Variants in TFEC observed in about 807,000 individuals in gnomAD.
TFEC encodes the protein class E basic helix-loop-helix protein 34.
TFEC carries 31 observed loss-of-function variants against 41.6 expected under a neutral mutation model. The ratio of observed to expected loss-of-function variants is 0.74; its 90% confidence interval spans 0.56 to 1.01. The LOEUF (loss-of-function observed/expected upper bound fraction) is 1.01. TFEC is among the 50% of genes least tolerant of loss of function. The probability of loss-of-function intolerance (pLI) is 0.00; values close to 1 mark genes in which losing one functional copy is unlikely to be tolerated. For synonymous variants in TFEC, 143 were observed against 140.6 expected (o/e 1.02, Z -0.12); for missense variants, 402 against 404.1 (o/e 0.99, Z 0.04).
At chr7:116,073,585 T>C (rs1049947942) in intron 3 of TFEC, among the ~76,000 whole-genome samples, 63 of 151,834 alleles carry the variant, frequency 4.1e-4, no homozygotes, top group African/African-American at 1.3e-3. Flanking sequence ...TTCAGTGAAC[T>C]CTCCACCAAG....
At chr7:116,099,363 A>G (rs1201631516) in intron 3 of TFEC, among the ~76,000 whole-genome samples, 1 of 152,170 alleles carries the variant, frequency 6.6e-6, no homozygotes, top group Non-Finnish European at 1.5e-5. Context: ...CTGAATAGCA[A>G]TATGTGGTAG....
chr7:116,023,823 C>T (rs1014084292), intron 1 of TFEC, among the ~76,000 whole-genome samples: 2 of 152,098 alleles, frequency 1.3e-5, no homozygotes, highest in Admixed American at 1.3e-4. Context: ...AATTTGGTCT[C>T]CTCAGATTCC....
At chr7:115,970,925 C>T (rs1335118768) in intron 3 of TFEC, among the ~76,000 whole-genome samples, 1 of 151,922 alleles carries the variant, frequency 6.6e-6, no homozygotes, top group Non-Finnish European at 1.5e-5. Context: ...TTAAAAAGTA[C>T]CCAGCCTTAG....
upstream of TFEC, among the ~76,000 whole-genome samples, chr7:116,031,751 TTCTG>T (rs1795789628): frequency 2.0e-5 from 3 of 152,256 alleles, no homozygotes; most frequent in South Asian, 6.2e-4. Context: ...GCACTATATC[TTCTG>T]TAAGAACTTC....
At chr7:116,085,330 G>A (rs1003421014) in intron 3 of TFEC, among the ~76,000 whole-genome samples, 1 of 151,874 alleles carries the variant, frequency 6.6e-6, no homozygotes, top group Non-Finnish European at 1.5e-5. Context: ...TACTGAGAAT[G>A]TGTCAAAGAG....
In TFEC at chr7:115,968,450, G is replaced by A. The variant is rs192013536; in HGVS notation, c.267+5720C>T. On this transcript the variant is annotated intron_variant, in intron 3 of 7. Coordinates refer to ENST00000265440, the MANE Select transcript of TFEC (RefSeq NM_012252.4). Reference sequence around the variant, plus strand: ...GGTTGTTAATATTTACTCATTCCTCGTCTCTGGAATGATCTTGAACTATAA... The same window carrying A: ...GGTTGTTAATATTTACTCATTCCTCATCTCTGGAATGATCTTGAACTATAA... 514 of 571,150 alleles carry A rather than the reference G, an allele frequency of 9.0e-4. 3 individuals carry two copies. The highest frequency in any genetic ancestry group is 3.5e-3 in the Middle Eastern group (7 of 2,008). The allele number at this position is 571,150 out of a possible 1,614,324, so 35.4% of individuals were successfully genotyped here.
chr7:115,981,315 A>AT (rs1793620253), intron 2 of TFEC, among the ~76,000 whole-genome samples: 1 of 152,104 alleles, frequency 6.6e-6, no homozygotes, highest in South Asian at 2.1e-4. Context: ...CACTTCCAGA[A>AT]TTTCCTGAGA....
At chr7:116,134,467 A>T (rs1419519812) in intron 1 of TFEC, among the ~76,000 whole-genome samples, 1 of 152,186 alleles carries the variant, frequency 6.6e-6, no homozygotes, top group Non-Finnish European at 1.5e-5. Flanking sequence ...CTATGCACAG[A>T]AATGACCTGT....
intron 3 of TFEC, among the ~76,000 whole-genome samples, chr7:116,097,180 G>T (rs935920372): frequency 6.6e-6 from 1 of 152,096 alleles, no homozygotes; most frequent in Non-Finnish European, 1.5e-5. Flanking sequence ...TACGCAAAGT[G>T]GTAAAATGTC....
At chr7:115,963,572 G>C (rs1792680947) in intron 3 of TFEC, among the ~76,000 whole-genome samples, 1 of 151,668 alleles carries the variant, frequency 6.6e-6, no homozygotes, top group Admixed American at 6.6e-5. Context: ...ACACATAATG[G>C]AATAGGCTTA....
intron 3 of TFEC, among the ~76,000 whole-genome samples, chr7:116,044,735 A>G (rs1796122142): frequency 6.6e-6 from 1 of 152,230 alleles, no homozygotes; most frequent in Non-Finnish European, 1.5e-5. Context: ...TGCTGACTGC[A>G]GGCATCTGCC....
Position 115,940,635 on chromosome 7 carries a change from A to G in TFEC, c.960T>C (p.Pro320=), listed in dbSNP as rs1239842370. Residue 320 remains proline (P), a synonymous_variant, in exon 8 of 8, where the codon CCT becomes CCC. Transcript: ENST00000265440. Reference sequence around the variant, plus strand: ...CTGCAGGGGAAGTGGCAGATAGCAGAGGATCTGTTCCAAATGGAGAGATTG... The same window carrying G: ...CTGCAGGGGAAGTGGCAGATAGCAGGGGATCTGTTCCAAATGGAGAGATTG... ...DDTISPFGTD[P]LLSATSPAVS... 1 of 1,613,582 alleles carries G rather than the reference A, an allele frequency of 6.2e-7. No individual in the cohort carries two copies. Among genetic ancestry groups the G allele is most frequent in the Admixed American group, 1.7e-5 (1 of 59,934 alleles).
At chr7:116,036,080 CATATA>C (rs1317756610) in intron 3 of TFEC, among the ~76,000 whole-genome samples, 1 of 151,944 alleles carries the variant, frequency 6.6e-6, no homozygotes, top group African/African-American at 2.4e-5. Context: ...ATGTTAAAAA[CATATA>C]ATATATAGAT....
intron 2 of TFEC, among the ~76,000 whole-genome samples, chr7:115,977,335 A>G (rs559880721): frequency 4.6e-5 from 7 of 152,210 alleles, no homozygotes; most frequent in Non-Finnish European, 8.8e-5. Flanking sequence ...AGGCATAGAA[A>G]GTATAAGATT....
chr7:116,026,006 G>A (rs1269142558), intron 1 of TFEC, among the ~76,000 whole-genome samples: 1 of 152,190 alleles, frequency 6.6e-6, no homozygotes, highest in Admixed American at 6.5e-5. Flanking sequence ...CCTCTAATGT[G>A]TCTTCCAAAT....
intron 3 of TFEC, among the ~76,000 whole-genome samples, chr7:116,071,626 T>G (rs1291092805): frequency 6.6e-6 from 1 of 151,368 alleles, no homozygotes; most frequent in African/African-American, 2.4e-5. Flanking sequence ...ATAATGATTG[T>G]TATGTAGAAG....
chr7:116,105,095 G>A (rs1021830965), intron 3 of TFEC, among the ~76,000 whole-genome samples: 2 of 152,050 alleles, frequency 1.3e-5, no homozygotes, highest in African/African-American at 4.8e-5. Flanking sequence ...TGGCCCCAGA[G>A]AAAAGGAAGG....
intron 2 of TFEC, among the ~76,000 whole-genome samples, chr7:115,978,497 C>A (rs62477239): frequency 6.6e-6 from 1 of 151,914 alleles, no homozygotes; most frequent in Admixed American, 6.6e-5. Flanking sequence ...AGTCTGAACA[C>A]TGGCAGATCA....
intron 3 of TFEC, among the ~76,000 whole-genome samples, chr7:116,045,189 T>C (rs1796134917): frequency 6.6e-6 from 1 of 152,202 alleles, no homozygotes; most frequent in South Asian, 2.1e-4. Flanking sequence ...ACCAAATGCC[T>C]GATAACAATA....
Sources: gnomAD v4.1 joint callset for allele counts (sites outside exome capture counted in the v4.1 genomes callset) on GRCh38, gnomAD v4.1.1 for gene constraint, MANE v1.5 for transcripts, NCBI Gene and HGNC (gene_info 2026-07-23, HGNC 2026-07-21) for gene names.